The following OXR1 variants were observed in gnomAD, a reference collection of about 807,000 sequenced individuals.
The protein encoded by OXR1 is oxidation resistance 1, also known as oxidation resistance protein 1.
OXR1 carries 41 observed loss-of-function variants against 104.6 expected under a neutral mutation model. That is an observed-to-expected ratio of 0.39 (90% CI 0.31 to 0.51). OXR1 has a LOEUF of 0.51. Among genes scored for constraint, OXR1 ranks in the 20% least tolerant of loss-of-function variants. OXR1 has a pLI of 0.77. For synonymous variants in OXR1, 348 were observed against 348.4 expected (o/e 1.00, Z 0.01); for missense variants, 955 against 1,031.9 (o/e 0.93, Z 1.02).
At chr8:106,419,131 G>A (rs929890726) in intron 2 of OXR1, among the ~76,000 whole-genome samples, 1 of 151,964 alleles carries the variant, frequency 6.6e-6, no homozygotes, top group East Asian at 1.9e-4. Flanking sequence ...TAATGTTTTG[G>A]GAAATAGAAG....
At chr8:106,342,240 CTTTTCTT>C (rs1172107781) in intron 1 of OXR1, among the ~76,000 whole-genome samples, 5 of 148,928 alleles carry the variant, frequency 3.4e-5, no homozygotes, top group East Asian at 1.9e-4. Context: ...CTTTTCTTTT[CTTTTCTT>C]TTTTCTTTTT....
chr8:106,717,652 A>G (rs1038119025), intron 11 of OXR1, among the ~76,000 whole-genome samples: 2 of 152,138 alleles, frequency 1.3e-5, no homozygotes, highest in African/African-American at 4.8e-5. Context: ...GGATTTGTCA[A>G]TTTCATACAC....
intron 1 of OXR1, among the ~76,000 whole-genome samples, chr8:106,323,322 T>A (rs1406124628): frequency 6.6e-6 from 1 of 152,170 alleles, no homozygotes; most frequent in Non-Finnish European, 1.5e-5. Flanking sequence ...CTGGGATAAC[T>A]GGCTAGGCAT....
chr8:106,699,872 T>C (rs144417367), intron 7 of OXR1, among the ~76,000 whole-genome samples: 8 of 152,198 alleles, frequency 5.3e-5, no homozygotes, highest in African/African-American at 1.9e-4. Flanking sequence ...TTATGGAAAC[T>C]TATTAACAAT....
chr8:106,612,230 A>G (rs190565264), intron 3 of OXR1, among the ~76,000 whole-genome samples: 3 of 152,284 alleles, frequency 2.0e-5, no homozygotes, highest in East Asian at 1.9e-4. Context: ...AGAAATGTAA[A>G]TACATATATA....
intron 1 of OXR1, among the ~76,000 whole-genome samples, chr8:106,345,912 G>A (rs1188279593): frequency 6.6e-6 from 1 of 152,108 alleles, no homozygotes; most frequent in East Asian, 1.9e-4. Flanking sequence ...CCTACTGATG[G>A]CGCTGTAATT....
intron 1 of OXR1, among the ~76,000 whole-genome samples, chr8:106,345,951 T>A (rs1815458179): frequency 6.6e-6 from 1 of 152,076 alleles, no homozygotes; most frequent in African/African-American, 2.4e-5. Context: ...GATGAAAAAA[T>A]TTGATCATTC....
intron 1 of OXR1, among the ~76,000 whole-genome samples, chr8:106,341,408 C>G (rs1390841520): frequency 9.7e-6 from 1 of 102,914 alleles, no homozygotes; most frequent in African/African-American, 5.4e-5. Context: ...TATATATATA[C>G]TTTCTAACAA....
chr8:106,424,186 C>T (rs111977053), intron 2 of OXR1, among the ~76,000 whole-genome samples: 2 of 152,096 alleles, frequency 1.3e-5, no homozygotes. Flanking sequence ...GATCCACCCC[C>T]CTCAGCCTCC....
intron 3 of OXR1, among the ~76,000 whole-genome samples, chr8:106,539,763 G>C (rs1251328578): frequency 1.3e-5 from 2 of 152,154 alleles, no homozygotes; most frequent in Non-Finnish European, 2.9e-5. Flanking sequence ...TAGTTTTGAA[G>C]AGTAATAATA....
At chr8:106,662,904 A>G (rs977863238) in intron 3 of OXR1, among the ~76,000 whole-genome samples, 1 of 152,014 alleles carries the variant, frequency 6.6e-6, no homozygotes, top group African/African-American at 2.4e-5. Context: ...AGAAGTAGTA[A>G]TACAGGTTGA....
At chr8:106,447,884 C>G in intron 2 of OXR1, 4 of 1,493,988 alleles carry the variant, frequency 2.7e-6, no homozygotes, top group Non-Finnish European at 3.6e-6. Flanking sequence ...AGCCCCACCC[C>G]CCAACAGCCG....
intron 16 of OXR1, among the ~76,000 whole-genome samples, chr8:106,746,453 A>G (rs1037298808): frequency 1.3e-5 from 2 of 152,164 alleles, no homozygotes; most frequent in African/African-American, 2.4e-5. Flanking sequence ...CTCTGGTCCC[A>G]CCTAGCCTGG....
chr8:106,272,715 T>C (rs1468552888), intron 1 of OXR1: 7 of 152,180 alleles, frequency 4.6e-5, no homozygotes, highest in Non-Finnish European at 8.8e-5. Context: ...CTTTGAAATA[T>C]GTTGATTATT....
chr8:106,322,037 C>T (rs1251427547), intron 1 of OXR1, among the ~76,000 whole-genome samples: 1 of 152,002 alleles, frequency 6.6e-6, no homozygotes, highest in East Asian at 1.9e-4. Flanking sequence ...GGCTGATAAC[C>T]AATATGCCTG....
At chr8:106,525,922 A>T (rs1273299840) in intron 3 of OXR1, among the ~76,000 whole-genome samples, 1 of 152,236 alleles carries the variant, frequency 6.6e-6, no homozygotes, top group Non-Finnish European at 1.5e-5. Context: ...ATAGTCATTT[A>T]GTTTCAGATA....
At chr8:106,507,331 C>G (rs1049786462) in intron 2 of OXR1, among the ~76,000 whole-genome samples, 1 of 151,972 alleles carries the variant, frequency 6.6e-6, no homozygotes, top group Non-Finnish European at 1.5e-5. Flanking sequence ...AATGAGGAAA[C>G]TATGGAGAGA....
intron 6 of OXR1, among the ~76,000 whole-genome samples, chr8:106,687,029 G>A (rs1340578512): frequency 2.6e-5 from 4 of 152,108 alleles, no homozygotes; most frequent in African/African-American, 7.2e-5. Flanking sequence ...ACTTGGCCTG[G>A]GTTTCTGTGT....
rs1178294195 is a variant in OXR1 at position 106,611,942 on chromosome 8, A to C, written c.221-67268A>C. On this transcript the variant is annotated intron_variant, in intron 3 of 16. Coordinates refer to ENST00000517566, the MANE Select transcript of OXR1 (RefSeq NM_001198533.2). ...TTGTATGGTAAAAACACATAAAAAC[A>C]AAAAAAAAATAGGTCATTCTGTTTT... Among the ~76,000 whole-genome samples, 5 of 30,602 alleles carry C rather than the reference A, an allele frequency of 1.6e-4. No individual in the cohort carries two copies. In the East Asian group the frequency reaches 8.1e-3, roughly 50 times the overall value. The allele number at this position is 30,602 out of a possible 152,430, so 20.1% of individuals were successfully genotyped here. A position where few individuals can be genotyped will look rare whatever the true frequency, so the allele number is the denominator to read the frequency against.
Sources: gnomAD v4.1 joint callset for allele counts (sites outside exome capture counted in the v4.1 genomes callset) on GRCh38, gnomAD v4.1.1 for gene constraint, MANE v1.5 for transcripts, NCBI Gene and HGNC (gene_info 2026-07-23, HGNC 2026-07-21) for gene names.